Variants in WDR41 observed in about 807,000 individuals in gnomAD.
WDR41 encodes the protein WD repeat domain 41.
Under a neutral mutation model 69.3 loss-of-function variants are expected in WDR41, and 63 were observed. The observed-to-expected ratio is 0.91, with a 90% CI of 0.74 to 1.12. The LOEUF (loss-of-function observed/expected upper bound fraction) is 1.12, where lower values mean the gene tolerates loss of function less well. Ranked by LOEUF, WDR41 falls within the 50% of genes most tolerant of loss-of-function variation. The pLI, the probability that WDR41 is intolerant of heterozygous loss-of-function variation, is 0.00. For missense variants in WDR41, 543 were observed against 534.5 expected, an observed-to-expected ratio of 1.02 and a Z score of -0.16; for synonymous variants, 185 against 192.1, an observed-to-expected ratio of 0.96 and a Z score of 0.31.
chr5:77,551,875 G>A (rs1743302383), intron 1 of WDR41, among the ~76,000 whole-genome samples: 1 of 151,464 alleles, frequency 6.6e-6, no homozygotes, highest in African/African-American at 2.4e-5. Context: ...CTACTTGGGA[G>A]GCTAGAGGCA....
chr5:77,456,568 T>A (rs1352793296), intron 5 of WDR41, among the ~76,000 whole-genome samples: 1 of 152,240 alleles, frequency 6.6e-6, no homozygotes, highest in Admixed American at 6.5e-5. Flanking sequence ...ATGTCATTTA[T>A]CTTTTTTATT....
At chr5:77,555,768 T>G (rs1743378609) in intron 1 of WDR41, among the ~76,000 whole-genome samples, 1 of 152,204 alleles carries the variant, frequency 6.6e-6, no homozygotes, top group Non-Finnish European at 1.5e-5. Flanking sequence ...ATAAATCTTA[T>G]CCTCATGGAT....
intron 2 of WDR41, among the ~76,000 whole-genome samples, chr5:77,483,879 A>G (rs563491757): frequency 1.3e-5 from 2 of 152,294 alleles, no homozygotes; most frequent in Middle Eastern, 3.4e-3. Flanking sequence ...TTATGAACAC[A>G]TGGATTTAAA....
intron 1 of WDR41, among the ~76,000 whole-genome samples, chr5:77,619,413 T>C (rs1293124625): frequency 6.6e-6 from 1 of 152,180 alleles, no homozygotes; most frequent in African/African-American, 2.4e-5. Context: ...TTTCATTGTC[T>C]CAACCTATCC....
chr5:77,453,496 G>A lies in WDR41; in HGVS notation c.523+321C>T, dbSNP rs114622072. 1.1e-3 allele frequency among the ~76,000 whole-genome samples: 172 copies of A among 152,228 alleles called. 1 individual carries two copies. The highest frequency in any genetic ancestry group is 4.0e-3 in the African/African-American group (166 of 41,538). On this transcript the variant is annotated intron_variant, in intron 6 of 12. Coordinates refer to ENST00000296679, the MANE Select transcript of WDR41 (RefSeq NM_018268.4). ...GGTCATCCTTAGGCATTTATTCAAAGTTAATGACCCCACAAATGCTACTGT... is the reference window on the plus strand; with the variant it reads ...GGTCATCCTTAGGCATTTATTCAAAATTAATGACCCCACAAATGCTACTGT...
chr5:77,562,297 T>A (rs1743542415), intron 1 of WDR41, among the ~76,000 whole-genome samples: 2 of 152,200 alleles, frequency 1.3e-5, no homozygotes, highest in African/African-American at 4.8e-5. Context: ...GTTTTCTACA[T>A]GTGAATGACA....
upstream of WDR41, among the ~76,000 whole-genome samples, chr5:77,493,334 C>T (rs34741813): frequency 3.9e-4 from 59 of 152,080 alleles, no homozygotes; most frequent in African/African-American, 1.4e-3. Flanking sequence ...AGGGAATCTA[C>T]AAATGTCCCA....
At chr5:77,482,162 C>T (rs949765678) in intron 2 of WDR41, among the ~76,000 whole-genome samples, 25 of 152,158 alleles carry the variant, frequency 1.6e-4, no homozygotes, top group Admixed American at 1.4e-3. Flanking sequence ...TTTATGGCCA[C>T]TAGTGTCTTA....
At chr5:77,495,282 G>A (rs1171421160), upstream of WDR41, among the ~76,000 whole-genome samples, 1 of 151,802 alleles carries the variant, frequency 6.6e-6, no homozygotes, top group East Asian at 1.9e-4. Context: ...AAGAATTAGA[G>A]CAGAGATAAA....
intron 1 of WDR41, among the ~76,000 whole-genome samples, chr5:77,615,622 A>G (rs1381270498): frequency 6.8e-6 from 1 of 148,040 alleles, no homozygotes; most frequent in Non-Finnish European, 1.5e-5. Flanking sequence ...TGATTTTCCA[A>G]TATTGCCAGC....
At chr5:77,556,402 A>G (rs148081333) in intron 1 of WDR41, among the ~76,000 whole-genome samples, 2 of 148,892 alleles carry the variant, frequency 1.3e-5, no homozygotes, top group East Asian at 4.0e-4. Flanking sequence ...GTTGCACCCG[A>G]CTGACTGACT....
In WDR41 at chr5:77,449,876, T is replaced by C. The variant is rs2151303258; in HGVS notation, c.587-6A>G. The C allele has an allele frequency of 1.3e-6, 2 of 1,580,254 alleles. No individual in the cohort carries two copies. Among genetic ancestry groups the C allele is most frequent in the African/African-American group, 2.7e-5 (2 of 74,060 alleles). On this transcript the variant is annotated splice_polypyrimidine_tract_variant and splice_region_variant and intron_variant, in intron 7 of 12. Coordinates refer to ENST00000296679, the MANE Select transcript of WDR41 (RefSeq NM_018268.4). ...TGCTACCAACCTGAAAATTACTAAA[T>C]GAAAAAGACAGATAAAATTTTATTA...
chr5:77,440,074 CACT>C (rs1346296597), intron 9 of WDR41, among the ~76,000 whole-genome samples: 1 of 152,112 alleles, frequency 6.6e-6, no homozygotes, highest in African/African-American at 2.4e-5. Context: ...CACTACATAA[CACT>C]ACTACTGAAA....
At chr5:77,437,107 A>T (rs529057394) in intron 11 of WDR41, among the ~76,000 whole-genome samples, 49 of 152,342 alleles carry the variant, frequency 3.2e-4, no homozygotes, top group African/African-American at 1.1e-3. Context: ...GTTTTCCCTC[A>T]AAACAAGAAA....
intron 1 of WDR41, among the ~76,000 whole-genome samples, chr5:77,586,694 A>ATT (rs1201172538): frequency 7.3e-6 from 1 of 137,242 alleles, no homozygotes; most frequent in Non-Finnish European, 1.6e-5. Context: ...ATGAAATCAA[A>ATT]TTTTTTTTTT....
At chr5:77,534,318 ACAC>A (rs1454230123) in intron 1 of WDR41, among the ~76,000 whole-genome samples, 1 of 146,960 alleles carries the variant, frequency 6.8e-6, no homozygotes, top group Non-Finnish European at 1.5e-5. Context: ...ATTTGCAACT[ACAC>A]CACTATATGT....
chr5:77,510,166 C>T (rs1308258567), intron 1 of WDR41, among the ~76,000 whole-genome samples: 2 of 152,208 alleles, frequency 1.3e-5, no homozygotes, highest in African/African-American at 4.8e-5. Flanking sequence ...GGGGAGGCCT[C>T]CCAATCATGG....
chr5:77,479,129 C>A (rs1801104022), intron 2 of WDR41, among the ~76,000 whole-genome samples: 1 of 151,912 alleles, frequency 6.6e-6, no homozygotes, highest in African/African-American at 2.4e-5. Context: ...TGGGAAGGAC[C>A]TCTTCAAGGA....
At chr5:77,434,188 G>A (rs62362532) in intron 12 of WDR41, among the ~76,000 whole-genome samples, 2 of 152,092 alleles carry the variant, frequency 1.3e-5, no homozygotes, top group African/African-American at 4.8e-5. Context: ...CTGGGTATCT[G>A]TAATCCCAGC....
Sources: allele counts gnomAD v4.1 joint callset (sites outside exome capture counted in the v4.1 genomes callset), GRCh38; gene constraint gnomAD v4.1.1; transcripts MANE v1.5; gene names NCBI Gene and HGNC (gene_info 2026-07-23, HGNC 2026-07-21).